The following DGKB variants were observed in gnomAD, a reference collection of about 807,000 sequenced individuals.
DGKB encodes diacylglycerol kinase beta.
In DGKB, 67 loss-of-function variants were observed where a neutral mutation model predicts 114.3. That is an observed-to-expected ratio of 0.59 (90% confidence interval 0.48 to 0.72). The LOEUF (loss-of-function observed/expected upper bound fraction) is 0.72, where lower values mean the gene tolerates loss of function less well. DGKB is among the 30% of genes least tolerant of loss of function. The pLI, the probability that DGKB is intolerant of heterozygous loss-of-function variation, is 0.00. For missense variants in DGKB, 907 were observed against 975.2 expected, an observed-to-expected ratio of 0.93 and a Z score of 0.93; for synonymous variants, 398 against 323.1, an observed-to-expected ratio of 1.23 and a Z score of -2.49.
intron 23 of DGKB, among the ~76,000 whole-genome samples, chr7:14,250,568 T>G (rs910741930): frequency 2.6e-5 from 4 of 152,184 alleles, no homozygotes; most frequent in Non-Finnish European, 2.9e-5. Flanking sequence ...AACTAACATA[T>G]ATATTCTGGA....
intron 1 of DGKB, among the ~76,000 whole-genome samples, chr7:14,848,402 T>C (rs1395786199): frequency 1.3e-5 from 2 of 152,284 alleles, no homozygotes; most frequent in South Asian, 2.1e-4. Flanking sequence ...AAAATCACTA[T>C]GTTGTTTTGG....
At chr7:14,247,304 G>A (rs949129170) in intron 23 of DGKB, among the ~76,000 whole-genome samples, 2 of 152,056 alleles carry the variant, frequency 1.3e-5, no homozygotes, top group Non-Finnish European at 2.9e-5. Flanking sequence ...TGAATAATGC[G>A]GCAATGAACA....
chr7:14,555,220 C>A (rs1369338582), intron 20 of DGKB, among the ~76,000 whole-genome samples: 1 of 152,138 alleles, frequency 6.6e-6, no homozygotes, highest in Non-Finnish European at 1.5e-5. Context: ...TTATCCCTCT[C>A]CAATGATTTG....
chr7:14,888,600 T>G (rs1393786225), intron 1 of DGKB, among the ~76,000 whole-genome samples: 1 of 151,752 alleles, frequency 6.6e-6, no homozygotes, highest in Non-Finnish European at 1.5e-5. Context: ...ATGCCACTGG[T>G]AGATTTAAAA....
At chr7:14,937,062 ACACACACACAC>A (rs1216736967) in intron 1 of DGKB, among the ~76,000 whole-genome samples, 14 of 148,660 alleles carry the variant, frequency 9.4e-5, no homozygotes, top group African/African-American at 3.5e-4. Context: ...ACACACACAC[ACACACACACAC>A]ATCTTTTGTT....
chr7:14,534,510 G>C (rs1025916195), intron 20 of DGKB, among the ~76,000 whole-genome samples: 1 of 152,024 alleles, frequency 6.6e-6, no homozygotes, highest in Non-Finnish European at 1.5e-5. Context: ...ACATAGAGTA[G>C]ATGAATGGAC....
At position 14,729,634 on chromosome 7, in the gene DGKB, G is replaced by A. The variant is rs917668996; in HGVS notation, c.322+6407C>T. On this transcript the variant is annotated intron_variant, in intron 5 of 25. Transcript: ENST00000402815. Reference sequence around the variant, plus strand: ...TTACTCCCCTCTCCAACTTTACCTGGATAACTCCAATTTACACTGGATGAC... The same window carrying A: ...TTACTCCCCTCTCCAACTTTACCTGAATAACTCCAATTTACACTGGATGAC... Among the ~76,000 whole-genome samples the A allele has an allele frequency of 2.6e-5, 4 of 152,022 alleles. No homozygotes were observed. In the South Asian group the frequency reaches 6.2e-4, roughly 24 times the overall value.
chr7:14,225,193 T>C (rs547402518), intron 23 of DGKB, among the ~76,000 whole-genome samples: 1 of 152,196 alleles, frequency 6.6e-6, no homozygotes, highest in East Asian at 1.9e-4. Flanking sequence ...ATATGGAGCT[T>C]TCTGTTTTGC....
chr7:14,638,412 T>G (rs538128834), intron 13 of DGKB, among the ~76,000 whole-genome samples: 4 of 152,310 alleles, frequency 2.6e-5, no homozygotes, highest in African/African-American at 9.6e-5. Flanking sequence ...CAAGCCTCCT[T>G]GTTATATATT....
At chr7:14,490,966 G>A (rs1039568943) in intron 20 of DGKB, among the ~76,000 whole-genome samples, 4 of 150,130 alleles carry the variant, frequency 2.7e-5, no homozygotes, top group Middle Eastern at 3.4e-3. Flanking sequence ...TTTTTTTAAT[G>A]CAGAAACAGG....
chr7:14,875,255 T>C (rs944138381), intron 1 of DGKB, among the ~76,000 whole-genome samples: 1 of 152,196 alleles, frequency 6.6e-6, no homozygotes, highest in Non-Finnish European at 1.5e-5. Flanking sequence ...TTCATACCTC[T>C]ATATTTATTT....
intron 2 of DGKB, among the ~76,000 whole-genome samples, chr7:14,798,984 T>A (rs1043093478): frequency 1.3e-5 from 2 of 152,226 alleles, no homozygotes; most frequent in Admixed American, 1.3e-4. Context: ...AGTGCCATCA[T>A]CAAGAACTTG....
intron 2 of DGKB, among the ~76,000 whole-genome samples, chr7:14,799,054 GCAGAAGA>G (rs1459166806): frequency 6.6e-6 from 1 of 152,206 alleles, no homozygotes; most frequent in Non-Finnish European, 1.5e-5. Context: ...TCTGGCTCAT[GCAGAAGA>G]CAGATGAACT....
intron 21 of DGKB, among the ~76,000 whole-genome samples, chr7:14,350,207 G>T (rs777445359): frequency 3.9e-5 from 6 of 152,048 alleles, no homozygotes; most frequent in Non-Finnish European, 7.4e-5. Flanking sequence ...AACTATCAGA[G>T]ACTTTGTTCA....
intron 23 of DGKB, among the ~76,000 whole-genome samples, chr7:14,334,673 T>A (rs1810368248): frequency 6.6e-6 from 1 of 152,112 alleles, no homozygotes; most frequent in Non-Finnish European, 1.5e-5. Flanking sequence ...ACATTTTAGC[T>A]GAAGGTCTTT....
intron 5 of DGKB, among the ~76,000 whole-genome samples, chr7:14,726,078 T>G (rs929277166): frequency 1.3e-5 from 2 of 152,136 alleles, no homozygotes; most frequent in Non-Finnish European, 1.5e-5. Flanking sequence ...GAGAACAAGT[T>G]GCACAGGTAC....
intron 22 of DGKB, among the ~76,000 whole-genome samples, chr7:14,343,000 A>G (rs1811861732): frequency 6.6e-6 from 1 of 151,870 alleles, no homozygotes; most frequent in African/African-American, 2.4e-5. Flanking sequence ...ATTTTAGGAC[A>G]AATAGGAAGC....
At chr7:14,558,872 C>T (rs149807834) in intron 20 of DGKB, among the ~76,000 whole-genome samples, 1 of 152,310 alleles carries the variant, frequency 6.6e-6, no homozygotes, top group African/African-American at 2.4e-5. Context: ...GGGGAGAAAT[C>T]CCTGCCTGAA....
chr7:14,465,795 G>A (rs188709162), intron 21 of DGKB, among the ~76,000 whole-genome samples: 7 of 152,214 alleles, frequency 4.6e-5, no homozygotes, highest in Admixed American at 2.0e-4. Context: ...GCATGACTCC[G>A]CAATAACATC....
Sources: gnomAD v4.1 joint callset for allele counts (sites outside exome capture counted in the v4.1 genomes callset) on GRCh38, gnomAD v4.1.1 for gene constraint, MANE v1.5 for transcripts, NCBI Gene and HGNC (gene_info 2026-07-23, HGNC 2026-07-21) for gene names.